OSBPL11: variants seen among roughly 807,000 people sequenced by gnomAD.
The protein encoded by OSBPL11 is oxysterol binding protein like 11.
Under a neutral mutation model 84.4 loss-of-function variants are expected in OSBPL11, and 33 were observed. That is an observed-to-expected ratio of 0.39 (90% CI 0.30 to 0.52). OSBPL11 has a LOEUF of 0.52. Ranked by LOEUF, OSBPL11 falls within the 20% of genes least tolerant of loss-of-function variation. The pLI, the probability that OSBPL11 is intolerant of heterozygous loss-of-function variation, is 0.72. For synonymous variants in OSBPL11, 276 were observed against 310.2 expected (o/e 0.89, Z 1.16); for missense variants, 736 against 901.1 (o/e 0.82, Z 2.35).
chr3:125,575,780 TC>T (rs34321784), intron 5 of OSBPL11, among the ~76,000 whole-genome samples: 10,133 of 151,886 alleles, frequency 0.067, 463 homozygotes, highest in Non-Finnish European at 0.098. Context: ...CCAGAAATCC[TC>T]CCACCTTGGC....
chr3:125,540,817 C>A (rs201764646), intron 10 of OSBPL11, among the ~76,000 whole-genome samples: 4,814 of 152,256 alleles, frequency 0.032, 99 homozygotes, highest in East Asian at 0.066. Context: ...AGCTACACAG[C>A]AAAAACAGCA....
Position 125,567,534 on chromosome 3 carries a change from G to C in OSBPL11, c.728C>G (p.Thr243Ser), listed in dbSNP as rs765255482. 6.2e-7 allele frequency: 1 copy of C among 1,614,180 alleles called. No individual in the cohort carries two copies. Among genetic ancestry groups the C allele is most frequent in the African/African-American group, 1.3e-5 (1 of 75,074 alleles). ...GTCCAAGGAACTAAGATGGCCAGAA[G>C]TAGGAAGGCATTCAATTCGTCTAAT... The part of the protein sequence containing the change: ...DLIRRIECLP[T>S]SGHLSSLDQD... The change falls in exon 6 of 13, where the codon ACT becomes AGT. Residue 243 changes from threonine (T) to serine (S), a missense_variant. By Grantham distance (58) the Thr-to-Ser change is moderately conservative. Transcript: ENST00000296220.
intron 1 of OSBPL11, among the ~76,000 whole-genome samples, chr3:125,586,021 G>A (rs1157913303): frequency 6.6e-6 from 1 of 152,136 alleles, no homozygotes; most frequent in Non-Finnish European, 1.5e-5. Context: ...ACAATTCCTT[G>A]AGTCCAGGAG....
chr3:125,585,596 G>T (rs915962443), intron 1 of OSBPL11, among the ~76,000 whole-genome samples: 1 of 150,580 alleles, frequency 6.6e-6, no homozygotes, highest in Non-Finnish European at 1.5e-5. Context: ...GTAGCATAAA[G>T]TTAGTTTCAA....
intron 11 of OSBPL11, among the ~76,000 whole-genome samples, chr3:125,534,713 T>C (rs562632526): frequency 1.1e-4 from 17 of 151,824 alleles, no homozygotes; most frequent in East Asian, 3.9e-4. Context: ...GAAAAAAATA[T>C]TGATGAGCTA....
At chr3:125,536,622 T>A (rs1238516703) in intron 11 of OSBPL11, among the ~76,000 whole-genome samples, 1 of 152,242 alleles carries the variant, frequency 6.6e-6, no homozygotes, top group African/African-American at 2.4e-5. Context: ...TTTCTTTAAG[T>A]ATCACATTCA....
chr3:125,593,656 C>T (rs1936635568), intron 1 of OSBPL11, among the ~76,000 whole-genome samples: 1 of 151,984 alleles, frequency 6.6e-6, no homozygotes, highest in Admixed American at 6.6e-5. Context: ...CTATACTTCA[C>T]TTCTATATGT....
chr3:125,580,507 T>C (rs1318297603), intron 2 of OSBPL11, among the ~76,000 whole-genome samples: 1 of 32,358 alleles, frequency 3.1e-5, no homozygotes, highest in Admixed American at 4.7e-4. Flanking sequence ...AGAGCAAAAC[T>C]CCGTCTCAAA....
chr3:125,563,778 G>C lies in OSBPL11; in HGVS notation c.934C>G (p.Gln312Glu), dbSNP rs1036573251. Residue 312 changes from glutamine to glutamate, a missense_variant, in exon 7 of 13, where the codon CAG becomes GAG. Gln to Glu is a conservative substitution (Grantham distance 29). Coordinates refer to ENST00000296220, the MANE Select transcript of OSBPL11 (RefSeq NM_022776.5). ...TTACTCTGATCAGTTGCAAAGGGCT[G>C]GTCAGCTCCATTTTTATAGTGGTTT... is the stretch of plus-strand genomic sequence containing the variant. ...LSNHYKNGAD[Q>E]PFATDQSKPV... The C allele has an allele frequency of 1.9e-6, 3 of 1,614,030 alleles. No individual in the cohort carries two copies. Among genetic ancestry groups the C allele is most frequent in the African/African-American group, 2.7e-5 (2 of 74,924 alleles).
intron 4 of OSBPL11, among the ~76,000 whole-genome samples, chr3:125,577,984 TAG>T (rs1936355949): frequency 6.6e-6 from 1 of 152,184 alleles, no homozygotes; most frequent in African/African-American, 2.4e-5. Context: ...TCCCAGACCC[TAG>T]AGAAATGAAA....
At chr3:125,534,951 GAAAA>G (rs56164804) in intron 11 of OSBPL11, among the ~76,000 whole-genome samples, 1,272 of 64,744 alleles carry the variant, frequency 0.02, 6 homozygotes, top group African/African-American at 0.087. Flanking sequence ...TAAGAAATTA[GAAAA>G]AAAAAAAAAA....
chr3:125,569,090 G>A (rs921635863), intron 5 of OSBPL11, among the ~76,000 whole-genome samples: 2 of 152,124 alleles, frequency 1.3e-5, no homozygotes, highest in African/African-American at 4.8e-5. Flanking sequence ...AACTACAGGT[G>A]TGTGCCACAA....
intron 7 of OSBPL11, among the ~76,000 whole-genome samples, chr3:125,561,372 C>T (rs1357396226): frequency 6.6e-6 from 1 of 152,200 alleles, no homozygotes; most frequent in Non-Finnish European, 1.5e-5. Flanking sequence ...TATAATTATA[C>T]TAAACCTTTT....
intron 10 of OSBPL11, among the ~76,000 whole-genome samples, chr3:125,545,618 A>ATG (rs111370155): frequency 5.9e-5 from 9 of 151,544 alleles, no homozygotes; most frequent in South Asian, 2.1e-4. Flanking sequence ...ATATGTATAT[A>ATG]TGTGTGTGTG....
intron 9 of OSBPL11, among the ~76,000 whole-genome samples, chr3:125,549,113 C>G (rs1935862743): frequency 6.6e-6 from 1 of 152,046 alleles, no homozygotes; most frequent in South Asian, 2.1e-4. Context: ...CTTCTGCCTC[C>G]CGGGTTCAAG....
chr3:125,569,503 A>G (rs1429482224), intron 5 of OSBPL11, among the ~76,000 whole-genome samples: 1 of 152,218 alleles, frequency 6.6e-6, no homozygotes, highest in Admixed American at 6.5e-5. Context: ...ATGTTTTTGT[A>G]TACAAATTTA....
intron 10 of OSBPL11, among the ~76,000 whole-genome samples, chr3:125,544,966 T>C (rs910141954): frequency 6.6e-6 from 1 of 152,212 alleles, no homozygotes; most frequent in Non-Finnish European, 1.5e-5. Flanking sequence ...ATATGCTTTC[T>C]TGCTTTTTAA....
Position 125,552,413 on chromosome 3 carries a change from G to C in OSBPL11, c.1422C>G (p.Ser474Arg). The C allele has an allele frequency of 1.2e-6, 2 of 1,614,128 alleles. No individual in the cohort carries two copies. Among genetic ancestry groups the C allele is most frequent in the Non-Finnish European group, 1.7e-6 (2 of 1,180,022 alleles). The change falls in exon 9 of 13, where the codon AGC becomes AGG. Residue 474 changes from serine to arginine, a missense_variant. Ser to Arg is a moderately radical substitution (Grantham distance 110). Coordinates refer to ENST00000296220, the MANE Select transcript of OSBPL11 (RefSeq NM_022776.5). ...PKSEVASSVFSSSSTQGVTNH... is the reference protein window; with the variant it reads ...PKSEVASSVFRSSSTQGVTNH... ...TTGTGACTCCCTGGGTGGAAGAACT[G>C]CTAAAAACACTGGATGCTACCTCGC...
chr3:125,557,526 C>T (rs959267043), intron 8 of OSBPL11, among the ~76,000 whole-genome samples: 3 of 152,076 alleles, frequency 2.0e-5, no homozygotes, highest in Admixed American at 1.3e-4. Flanking sequence ...AGATTACAGG[C>T]GTGCACCACC....
Sources: gnomAD v4.1 joint callset for allele counts (sites outside exome capture counted in the v4.1 genomes callset) on GRCh38, gnomAD v4.1.1 for gene constraint, MANE v1.5 for transcripts, NCBI Gene and HGNC (gene_info 2026-07-23, HGNC 2026-07-21) for gene names.